Variants in AKR1A1 observed in about 807,000 individuals in gnomAD.
AKR1A1 encodes the protein aldo-keto reductase family 1 member A1.
Under a neutral mutation model 39.2 loss-of-function variants are expected in AKR1A1, and 26 were observed. The observed-to-expected ratio is 0.66, with a 90% CI of 0.49 to 0.92. The LOEUF (loss-of-function observed/expected upper bound fraction) is 0.92, where lower values mean the gene tolerates loss of function less well. Among genes scored for constraint, AKR1A1 ranks in the 40% least tolerant of loss-of-function variants. AKR1A1 has a pLI of 0.00. For missense variants in AKR1A1, 378 were observed against 406.5 expected, an observed-to-expected ratio of 0.93 and a Z score of 0.60; for synonymous variants, 141 against 155.5, an observed-to-expected ratio of 0.91 and a Z score of 0.69.
chr1:45,553,029 G>A (rs1644151752), intron 1 of AKR1A1, among the ~76,000 whole-genome samples: 1 of 151,920 alleles, frequency 6.6e-6, no homozygotes, highest in Non-Finnish European at 1.5e-5. Context: ...GGAGGCTGAG[G>A]CAGGAGAATC....
chr1:45,563,823 C>G (rs1300241683), intron 2 of AKR1A1, among the ~76,000 whole-genome samples: 1 of 152,166 alleles, frequency 6.6e-6, no homozygotes, highest in Non-Finnish European at 1.5e-5. Flanking sequence ...TAAGTAACCA[C>G]TTAAAAATAT....
chr1:45,568,998 A>G lies in AKR1A1; in HGVS notation c.824A>G (p.Lys275Arg), dbSNP rs1007070688. Residue 275 changes from lysine to arginine, a missense_variant and splice_region_variant, in exon 7 of 9, where the codon AAG becomes AGG. Lys to Arg is a conservative substitution (Grantham distance 26, BLOSUM62 2). Transcript: ENST00000351829. ...CCTTCTCGAATCCTTCAGAACATCA[A>G]GGTACTTGGTAATGGGTTCTATCTT... ...ITPSRILQNI[K>R]VFDFTFSPEE... 7 of 1,614,048 alleles carry G rather than the reference A, an allele frequency of 4.3e-6. No homozygotes were observed. In the African/African-American group the frequency reaches 8.0e-5, roughly 18 times the overall value.
intron 1 of AKR1A1, among the ~76,000 whole-genome samples, chr1:45,554,292 G>C (rs1463822835): frequency 6.6e-6 from 1 of 151,796 alleles, no homozygotes; most frequent in Non-Finnish European, 1.5e-5. Context: ...GCTGGACATC[G>C]TGGCCCATGC....
intron 8 of AKR1A1, 87 bp downstream of exon 8, chr1:45,569,316 G>A: frequency 9.2e-7 from 1 of 1,090,638 alleles, no homozygotes; most frequent in Non-Finnish European, 1.4e-6. Context: ...CTTGCTGGTT[G>A]TGAGAAGGAC....
Position 45,566,892 on chromosome 1 carries a change from T to C in AKR1A1, c.228T>C (p.Phe76=), listed in dbSNP as rs1046513301. The change falls in exon 4 of 9, where the codon TTT becomes TTC. Residue 76 remains phenylalanine, a synonymous_variant. Transcript: ENST00000351829. ...PGKAVPREEL[F]VTSKLWNTKH... is the part of the protein sequence containing the mutation. The stretch of plus-strand genomic sequence containing the variant: ...AGGCGGTGCCTCGGGAGGAGCTGTT[T>C]GTGACATCCAAGCTGTGGAACACCA... 10 of 1,614,042 alleles carry C rather than the reference T, an allele frequency of 6.2e-6. No homozygotes were observed. In the Admixed American group the frequency reaches 8.3e-5, roughly 13 times the overall value.
intron 1 of AKR1A1, among the ~76,000 whole-genome samples, chr1:45,561,285 A>T (rs1644273948): frequency 6.6e-6 from 1 of 151,990 alleles, no homozygotes; most frequent in Non-Finnish European, 1.5e-5. Flanking sequence ...TGGTCTGGTT[A>T]GTGTTTGTCC....
chr1:45,554,112 C>T (rs1462373202), intron 1 of AKR1A1, among the ~76,000 whole-genome samples: 1 of 151,916 alleles, frequency 6.6e-6, no homozygotes, highest in African/African-American at 2.4e-5. Context: ...GGGGGCAACA[C>T]AGTGAGACCC....
chr1:45,570,033 A>T lies in AKR1A1; in HGVS notation c.*77A>T, dbSNP rs1184566905. On this transcript the variant is annotated 3_prime_UTR_variant, in exon 9 of 9. Coordinates refer to ENST00000351829, the MANE Select transcript of AKR1A1 (RefSeq NM_153326.3). ...CACAACGGAAAGAGGGAGTTAATAA[A>T]GCCATTGGAGCATCCATATTGCTTG... is the stretch of plus-strand genomic sequence containing the variant. 7.2e-7 allele frequency: 1 copy of T among 1,387,168 alleles called. No individual in the cohort carries two copies. Among genetic ancestry groups the T allele is most frequent in the Non-Finnish European group, 1.0e-6 (1 of 974,710 alleles). 85.9% of individuals were successfully genotyped at this position (1,387,168 alleles called of 1,614,324 possible).
chr1:45,566,771 T>C, intron 3 of AKR1A1, 83 bp downstream of exon 3: 1 of 1,596,260 alleles, frequency 6.3e-7, no homozygotes. Flanking sequence ...GGAGGGAATC[T>C]GGCATCAGCT....
At chr1:45,557,912 C>CTTGTTTTTTTTTTTTTT (rs1644226380) in intron 1 of AKR1A1, among the ~76,000 whole-genome samples, 3 of 112,218 alleles carry the variant, frequency 2.7e-5, no homozygotes, top group African/African-American at 3.5e-5. Flanking sequence ...CACAACTTGT[C>CTTGTTTTTTTTTTTTTT]TTTTTTTTTT....
intron 4 of AKR1A1, 90 bp downstream of exon 4, chr1:45,567,110 A>T: frequency 6.6e-7 from 1 of 1,510,196 alleles, no homozygotes. Context: ...GCAGAGCAGG[A>T]TAGGAACACT....
intron 6 of AKR1A1, 81 bp from the exon 7 acceptor site, chr1:45,568,846 C>T: frequency 6.5e-7 from 1 of 1,547,444 alleles, no homozygotes; most frequent in Non-Finnish European, 8.9e-7. Flanking sequence ...GCTCCAGGAG[C>T]TTAGGGAAGC....
At chr1:45,564,856 T>G (rs192512698) in intron 2 of AKR1A1, among the ~76,000 whole-genome samples, 6 of 151,996 alleles carry the variant, frequency 3.9e-5, no homozygotes, top group African/African-American at 1.2e-4. Flanking sequence ...GGAGTCTTGC[T>G]CTGTCGCCCA....
At chr1:45,560,141 C>T (rs574708794) in intron 1 of AKR1A1, among the ~76,000 whole-genome samples, 12 of 152,196 alleles carry the variant, frequency 7.9e-5, no homozygotes, top group African/African-American at 2.9e-4. Flanking sequence ...CATGCCACCA[C>T]GCCTAGCTAA....
intron 4 of AKR1A1, 21 bp from the exon 5 acceptor site, chr1:45,567,961 G>A: frequency 3.1e-6 from 5 of 1,594,880 alleles, no homozygotes; most frequent in Non-Finnish European, 4.3e-6. Flanking sequence ...TCCACACTTG[G>A]TGGGGCTGTC....
rs759327817 is a variant in AKR1A1, at chr1:45,569,992, G to A, written c.*36G>A. 1.3e-5 allele frequency: 21 copies of A among 1,582,620 alleles called. No homozygotes were observed. Among genetic ancestry groups the A allele is most frequent in the Non-Finnish European group, 1.7e-5 (20 of 1,151,510 alleles). On this transcript the variant is annotated 3_prime_UTR_variant, in exon 9 of 9. Coordinates refer to ENST00000351829, the MANE Select transcript of AKR1A1 (RefSeq NM_153326.3). ...TCTTGGCCTCCCTTCCAGCTCTGCA[G>A]CTAATGAGGTCCTGCCACAACGGAA...
Position 45,561,801 on chromosome 1 carries a change from G to A in AKR1A1, c.7G>A (p.Ala3Thr), listed in dbSNP as rs539738103. The A allele has an allele frequency of 5.6e-6, 9 of 1,614,064 alleles. No homozygotes were observed. The highest frequency in any genetic ancestry group is 1.7e-5 in the Admixed American group (1 of 59,994). Residue 3 changes from alanine (A) to threonine (T), a missense_variant, in exon 2 of 9, where the codon GCT (alanine) becomes ACT (threonine). Coordinates refer to ENST00000351829, the MANE Select transcript of AKR1A1 (RefSeq NM_153326.3). Reference protein sequence around the residue: MAASCVLLHTGQK... With the variant: MATSCVLLHTGQK... ...ATCTGTGTTTCAGGGGGCAATGGCG[G>A]CTTCCTGTGTTCTACTGCACACTGG...
At chr1:45,569,106 A>C in intron 7 of AKR1A1, 37 bp from the exon 8 acceptor site, 1 of 1,604,306 alleles carries the variant, frequency 6.2e-7, no homozygotes, top group Non-Finnish European at 8.5e-7. Context: ...TTCTGCTCAC[A>C]AAGCTGGCTT....
At position 45,561,848 on chromosome 1, in the gene AKR1A1, T is replaced by C; in HGVS notation, c.54T>C (p.Gly18=). ...CTGGGCAGAAGATGCCTCTGATTGG[T>C]CTGGGTACCTGGAAGAGTGAGCCTG... is the stretch of plus-strand genomic sequence containing the variant. ...LHTGQKMPLI[G]LGTWKSEPGQ... The change falls in exon 2 of 9, where the codon GGT becomes GGC. Residue 18 remains glycine (G), a synonymous_variant. Transcript: ENST00000351829. The C allele has an allele frequency of 1.2e-6, 2 of 1,614,114 alleles. No homozygotes were observed. Among genetic ancestry groups the C allele is most frequent in the Non-Finnish European group, 1.7e-6 (2 of 1,180,010 alleles).
Sources: gnomAD v4.1 joint callset for allele counts (sites outside exome capture counted in the v4.1 genomes callset) on GRCh38, gnomAD v4.1.1 for gene constraint, MANE v1.5 for transcripts, NCBI Gene and HGNC (gene_info 2026-07-23, HGNC 2026-07-21) for gene names.